SEMA3C: variants seen among roughly 807,000 people sequenced by gnomAD.
SEMA3C encodes semaphorin-3C.
Under a neutral mutation model 89.4 loss-of-function variants are expected in SEMA3C, and 47 were observed. The observed-to-expected ratio is 0.53, with a 90% confidence interval of 0.42 to 0.67. SEMA3C has a LOEUF of 0.67. SEMA3C is among the 30% of genes least tolerant of loss of function. The pLI is 0.00. For missense variants in SEMA3C, 839 were observed against 929.1 expected (o/e 0.90, Z 1.26); for synonymous variants, 310 against 320.2 (o/e 0.97, Z 0.34).
At chr7:80,899,584 A>G (rs1791828330) in intron 2 of SEMA3C, among the ~76,000 whole-genome samples, 1 of 152,128 alleles carries the variant, frequency 6.6e-6, no homozygotes, top group Non-Finnish European at 1.5e-5. Flanking sequence ...CTTTAAATAT[A>G]AATTAATTTT....
intron 11 of SEMA3C, among the ~76,000 whole-genome samples, chr7:80,790,252 C>G (rs1372810177): frequency 3.3e-5 from 5 of 151,686 alleles, no homozygotes; most frequent in African/African-American, 1.2e-4. Flanking sequence ...CCACTGCACT[C>G]TAGCCTGGGC....
rs140226878 is a variant in SEMA3C, at chr7:80,833,615, T to C, written c.104-4870A>G. Reference sequence around the variant, plus strand: ...GCCATAAAGCATCTTCAAATTTAATTACCTATGGCTTACTGATAGTTGACA... The same window carrying C: ...GCCATAAAGCATCTTCAAATTTAATCACCTATGGCTTACTGATAGTTGACA... On this transcript the variant is annotated intron_variant, in intron 2 of 17. Coordinates refer to ENST00000265361, the MANE Select transcript of SEMA3C (RefSeq NM_006379.5). Among the ~76,000 whole-genome samples the C allele has an allele frequency of 2.0e-3, 299 of 152,312 alleles. 1 individual carries two copies. Among genetic ancestry groups the C allele is most frequent in the African/African-American group, 7.2e-3 (298 of 41,572 alleles).
chr7:80,898,836 A>G (rs1328870165), intron 2 of SEMA3C, among the ~76,000 whole-genome samples: 2 of 152,074 alleles, frequency 1.3e-5, no homozygotes, highest in Non-Finnish European at 2.9e-5. Context: ...AAAAAAAAAA[A>G]AAAAAATTGA....
At chr7:80,768,044 A>G (rs939908850) in intron 12 of SEMA3C, among the ~76,000 whole-genome samples, 3 of 152,258 alleles carry the variant, frequency 2.0e-5, no homozygotes, top group Non-Finnish European at 4.4e-5. Flanking sequence ...GAAATTTGTA[A>G]GGATACAAAG....
At chr7:80,852,737 G>A (rs945483872) in intron 2 of SEMA3C, among the ~76,000 whole-genome samples, 2 of 147,908 alleles carry the variant, frequency 1.4e-5, no homozygotes, top group African/African-American at 5.0e-5. Flanking sequence ...AGAGTGCAGT[G>A]GCGCAATCTT....
At chr7:80,855,091 C>T (rs1790606971) in intron 2 of SEMA3C, among the ~76,000 whole-genome samples, 1 of 152,008 alleles carries the variant, frequency 6.6e-6, no homozygotes, top group Non-Finnish European at 1.5e-5. Context: ...AAGCCCTTTC[C>T]ATGATTACGG....
At chr7:80,817,512 T>TA (rs1472008912) in intron 5 of SEMA3C, among the ~76,000 whole-genome samples, 1 of 152,202 alleles carries the variant, frequency 6.6e-6, no homozygotes. Context: ...GAATGAGTAG[T>TA]AACTCTCTTG....
intron 6 of SEMA3C, among the ~76,000 whole-genome samples, chr7:80,808,782 T>C (rs181505869): frequency 3.5e-4 from 53 of 152,252 alleles, no homozygotes; most frequent in African/African-American, 1.2e-3. Context: ...GGTCAACACA[T>C]GACAACTCAG....
At chr7:80,854,068 A>G (rs1790578972) in intron 2 of SEMA3C, among the ~76,000 whole-genome samples, 1 of 152,200 alleles carries the variant, frequency 6.6e-6, no homozygotes, top group African/African-American at 2.4e-5. Context: ...AAATGTAAAA[A>G]TTATTTTGCT....
chr7:80,869,040 C>T (rs1790995316), intron 2 of SEMA3C, among the ~76,000 whole-genome samples: 1 of 152,052 alleles, frequency 6.6e-6, no homozygotes, highest in Non-Finnish European at 1.5e-5. Context: ...CATAATATGC[C>T]TTACATATTG....
At chr7:80,834,715 T>C (rs1790086190) in intron 2 of SEMA3C, among the ~76,000 whole-genome samples, 1 of 152,170 alleles carries the variant, frequency 6.6e-6, no homozygotes, top group African/African-American at 2.4e-5. Context: ...CCTTGGCATC[T>C]GTGGAAGATT....
In SEMA3C at chr7:80,751,348, G is replaced by A; in HGVS notation, c.1644-12C>T. ...GTCTTCGGCTCCTCCTGCAAGTGCA[G>A]AAATACATAAAAGTGACTGAGAATT... On this transcript the variant is annotated splice_polypyrimidine_tract_variant and intron_variant, in intron 15 of 17. Coordinates refer to ENST00000265361, the MANE Select transcript of SEMA3C (RefSeq NM_006379.5). 1.9e-6 allele frequency: 3 copies of A among 1,612,130 alleles called. No homozygotes were observed. The highest frequency in any genetic ancestry group is 2.5e-6 in the Non-Finnish European group (3 of 1,178,290).
chr7:80,801,589 C>A (rs968745223), intron 9 of SEMA3C, among the ~76,000 whole-genome samples: 1 of 151,856 alleles, frequency 6.6e-6, no homozygotes, highest in African/African-American at 2.4e-5. Context: ...CTGAGAAACA[C>A]AAAGAAATAT....
chr7:80,801,207 C>T (rs1413423153), intron 9 of SEMA3C, among the ~76,000 whole-genome samples: 1 of 152,016 alleles, frequency 6.6e-6, no homozygotes, highest in Non-Finnish European at 1.5e-5. Context: ...TCTGGTGCTT[C>T]TTTCTAAATA....
At chr7:80,777,386 G>A (rs1289082900) in intron 12 of SEMA3C, among the ~76,000 whole-genome samples, 1 of 152,054 alleles carries the variant, frequency 6.6e-6, no homozygotes, top group Non-Finnish European at 1.5e-5. Flanking sequence ...CTACCTCCCG[G>A]GTTCAAGCGA....
intron 6 of SEMA3C, among the ~76,000 whole-genome samples, chr7:80,808,093 C>A (rs1253204924): frequency 6.6e-6 from 1 of 152,012 alleles, no homozygotes; most frequent in African/African-American, 2.4e-5. Flanking sequence ...ACAAAGAAGG[C>A]CAATGTCTAA....
chr7:80,789,725 A>C (rs1281992027), intron 11 of SEMA3C, among the ~76,000 whole-genome samples, 197 bp from the exon 12 acceptor site: 13 of 152,180 alleles, frequency 8.5e-5, no homozygotes, highest in African/African-American at 2.9e-4. Flanking sequence ...ATTAATTTTG[A>C]ATCAGGCTAA....
At chr7:80,913,079 CA>C (rs1438251619) in intron 2 of SEMA3C, among the ~76,000 whole-genome samples, 1 of 151,946 alleles carries the variant, frequency 6.6e-6, no homozygotes, top group Admixed American at 6.6e-5. Flanking sequence ...TCAGCACACA[CA>C]AAAGGGAAAA....
intron 2 of SEMA3C, 115 bp downstream of exon 2, chr7:80,916,560 GTAAA>G (rs1792279394): frequency 8.1e-6 from 7 of 864,584 alleles, no homozygotes; most frequent in Non-Finnish European, 1.2e-5. Context: ...ACGCAGCCCA[GTAAA>G]TATTTTTAAA....
Sources: allele counts gnomAD v4.1 joint callset (sites outside exome capture counted in the v4.1 genomes callset), GRCh38; gene constraint gnomAD v4.1.1; transcripts MANE v1.5; gene names NCBI Gene and HGNC (gene_info 2026-07-23, HGNC 2026-07-21).